The following SCRN1 variants were observed in gnomAD, a reference collection of about 807,000 sequenced individuals.
The protein encoded by SCRN1 is secernin-1.
SCRN1 carries 19 observed loss-of-function variants against 43.3 expected under a neutral mutation model. The observed-to-expected ratio is 0.44, with a 90% CI of 0.31 to 0.64. The LOEUF (loss-of-function observed/expected upper bound fraction) is 0.64. SCRN1 is among the 30% of genes least tolerant of loss of function. The pLI is 0.09. For synonymous variants in SCRN1, 183 were observed against 188.9 expected, an observed-to-expected ratio of 0.97 and a Z score of 0.26; for missense variants, 447 against 524.1, an observed-to-expected ratio of 0.85 and a Z score of 1.44.
intron 5 of SCRN1, among the ~76,000 whole-genome samples, chr7:29,939,960 G>A (rs1787475936): frequency 6.6e-6 from 1 of 151,792 alleles, no homozygotes; most frequent in South Asian, 2.1e-4. Flanking sequence ...GACCAGCCTG[G>A]GCAACAAAAT....
chr7:29,960,135 T>G (rs1206280348), intron 2 of SCRN1, among the ~76,000 whole-genome samples: 1 of 152,088 alleles, frequency 6.6e-6, no homozygotes, highest in Non-Finnish European at 1.5e-5. Context: ...AGAATTAAAA[T>G]TCAGCTCCCC....
intron 3 of SCRN1, among the ~76,000 whole-genome samples, chr7:29,953,013 G>C (rs768455009): frequency 2.6e-5 from 4 of 152,210 alleles, no homozygotes; most frequent in Non-Finnish European, 5.9e-5. Flanking sequence ...ACAATGCCAA[G>C]TCTGTGACAA....
intron 5 of SCRN1, among the ~76,000 whole-genome samples, chr7:29,937,876 T>C (rs1006620074): frequency 1.3e-5 from 2 of 152,240 alleles, no homozygotes; most frequent in African/African-American, 4.8e-5. Context: ...TGTAAATCTC[T>C]ACTTACATGT....
At chr7:29,947,228 C>T (rs1328821174) in intron 3 of SCRN1, 1 of 1,550,606 alleles carries the variant, frequency 6.4e-7, no homozygotes, top group East Asian at 2.4e-5. Context: ...AATTCAATTC[C>T]TAGTTTTATA....
upstream of SCRN1, chr7:29,990,051 T>C: frequency 4.7e-6 from 7 of 1,495,482 alleles, no homozygotes; most frequent in Non-Finnish European, 6.2e-6. Context: ...GTTGTGGCTC[T>C]CAAAAGGGAA....
At chr7:29,941,275 T>C (rs1325320086) in intron 4 of SCRN1, among the ~76,000 whole-genome samples, 1 of 152,234 alleles carries the variant, frequency 6.6e-6, no homozygotes, top group Non-Finnish European at 1.5e-5. Flanking sequence ...TCCTCTATAA[T>C]AGAGATGCTG....
At chr7:29,926,803 C>T (rs549050511) in intron 6 of SCRN1, among the ~76,000 whole-genome samples, 171 bp from the exon 7 acceptor site, 3 of 152,156 alleles carry the variant, frequency 2.0e-5, no homozygotes, top group South Asian at 4.2e-4. Flanking sequence ...ATGTTTTAGT[C>T]GCTATTTTAG....
intron 6 of SCRN1, among the ~76,000 whole-genome samples, chr7:29,931,174 A>C (rs994088070): frequency 6.6e-6 from 1 of 152,252 alleles, no homozygotes; most frequent in Non-Finnish European, 1.5e-5. Context: ...ATGCAAAAAA[A>C]ACTATTTTCC....
intron 3 of SCRN1, among the ~76,000 whole-genome samples, chr7:29,946,838 G>T (rs531943114): frequency 2.1e-4 from 32 of 152,344 alleles, no homozygotes; most frequent in Admixed American, 1.2e-3. Flanking sequence ...AATAACACCA[G>T]GGTTACACCC....
chr7:29,942,179 A>T (rs1412866529), intron 4 of SCRN1, among the ~76,000 whole-genome samples: 4 of 152,238 alleles, frequency 2.6e-5, no homozygotes, highest in East Asian at 1.9e-4. Context: ...AAGTTATTTT[A>T]AAAAATACTC....
At chr7:29,945,294 T>C (rs746705473) in intron 3 of SCRN1, among the ~76,000 whole-genome samples, 1 of 152,216 alleles carries the variant, frequency 6.6e-6, no homozygotes, top group Non-Finnish European at 1.5e-5. Flanking sequence ...TCACTTGTTG[T>C]GGGAGGGACC....
rs1044843023 is a variant in SCRN1 at position 29,921,230 on chromosome 7, C to T, written c.*2727G>A. 3 of 152,652 alleles carry T rather than the reference C, an allele frequency of 2.0e-5. No homozygotes were observed. Among genetic ancestry groups the T allele is most frequent in the Admixed American group, 2.0e-4 (3 of 15,282 alleles). 9.5% of individuals were successfully genotyped at this position (152,652 alleles called of 1,614,324 possible). On this transcript the variant is annotated 3_prime_UTR_variant, in exon 8 of 8. Coordinates refer to ENST00000242059, the MANE Select transcript of SCRN1 (RefSeq NM_014766.5). ...ACACAAAGGGTTTCCTAGGAAGCTA[C>T]TTATACACTATGACCCTTAAACATA...
rs570913465 is a variant in SCRN1 at position 29,921,777 on chromosome 7, G to A, written c.*2180C>T. 1 of 152,222 alleles carries A rather than the reference G, an allele frequency of 6.6e-6. No individual in the cohort carries two copies. The highest frequency in any genetic ancestry group is 1.5e-5 in the Non-Finnish European group (1 of 68,034). The allele number at this position is 152,222 out of a possible 1,614,324, so 9.4% of individuals were successfully genotyped here. On this transcript the variant is annotated 3_prime_UTR_variant, in exon 8 of 8. Coordinates refer to ENST00000242059, the MANE Select transcript of SCRN1 (RefSeq NM_014766.5). ...TGGGTAATGACATAAAGCGGGTAGG[G>A]TTATCCATGGCCTTTGTTTGGCCCA...
At chr7:29,955,884 A>G (rs1342973629) in intron 2 of SCRN1, among the ~76,000 whole-genome samples, 1 of 152,248 alleles carries the variant, frequency 6.6e-6, no homozygotes, top group Non-Finnish European at 1.5e-5. Flanking sequence ...GAAAAGGATA[A>G]TAACATTTGC....
At chr7:29,944,643 T>G (rs1787670352) in intron 3 of SCRN1, among the ~76,000 whole-genome samples, 1 of 133,616 alleles carries the variant, frequency 7.5e-6, no homozygotes, top group Non-Finnish European at 1.5e-5. Flanking sequence ...AGTCTGGGCA[T>G]CAGAGTGAGA....
intron 1 of SCRN1, among the ~76,000 whole-genome samples, chr7:29,970,281 A>G (rs1469490298): frequency 6.6e-6 from 1 of 152,054 alleles, no homozygotes; most frequent in Admixed American, 6.6e-5. Context: ...CCACTCTCAC[A>G]ATGCCGGCAC....
At chr7:29,941,069 T>A (rs1787528203) in intron 4 of SCRN1, among the ~76,000 whole-genome samples, 193 bp from the exon 5 acceptor site, 1 of 152,196 alleles carries the variant, frequency 6.6e-6, no homozygotes, top group Non-Finnish European at 1.5e-5. Context: ...GTCTGACCAG[T>A]CTTGACTGGG....
At chr7:29,979,789 A>G (rs1355523310) in intron 1 of SCRN1, among the ~76,000 whole-genome samples, 3 of 152,254 alleles carry the variant, frequency 2.0e-5, no homozygotes, top group Non-Finnish European at 2.9e-5. Flanking sequence ...AAAATGCATT[A>G]AGGAACAGAT....
rs1786764938 is a variant in SCRN1 at position 29,921,689 on chromosome 7, CTTCT to C, written c.*2264_*2267del. The C allele has an allele frequency of 6.6e-6, 1 of 152,212 alleles. No individual in the cohort carries two copies. Among genetic ancestry groups the C allele is most frequent in the South Asian group, 2.1e-4 (1 of 4,830 alleles). The allele number at this position is 152,212 out of a possible 1,614,324, so 9.4% of individuals were successfully genotyped here. A position where few individuals can be genotyped will look rare whatever the true frequency, so the allele number is the denominator to read the frequency against. On this transcript the variant is annotated 3_prime_UTR_variant, in exon 8 of 8. Transcript: ENST00000242059. ...CAAGACAGCTCTCAATTAGGGTTGC[CTTCT>C]TTAAGATGCTTGACCAAGGTCAATG... is the stretch of plus-strand genomic sequence containing the variant.
Sources: gnomAD v4.1 joint callset for allele counts (sites outside exome capture counted in the v4.1 genomes callset) on GRCh38, gnomAD v4.1.1 for gene constraint, MANE v1.5 for transcripts, NCBI Gene and HGNC (gene_info 2026-07-23, HGNC 2026-07-21) for gene names.